The following KCTD2 variants were observed in gnomAD, a reference collection of about 807,000 sequenced individuals.
KCTD2 encodes potassium channel tetramerization domain containing 2.
Under a neutral mutation model 27.9 loss-of-function variants are expected in KCTD2, and 18 were observed. The observed-to-expected ratio is 0.64, with a 90% CI of 0.45 to 0.96. The LOEUF (loss-of-function observed/expected upper bound fraction) is 0.96. Among genes scored for constraint, KCTD2 ranks in the 40% least tolerant of loss-of-function variants. The pLI, the probability that KCTD2 is intolerant of heterozygous loss-of-function variation, is 0.00. For synonymous variants in KCTD2, 175 were observed against 148.4 expected (o/e 1.18, Z -1.30); for missense variants, 280 against 348.0 (o/e 0.80, Z 1.56).
In KCTD2 at chr17:75,047,238, G is replaced by T. The variant is rs1257134524; in HGVS notation, c.-13G>T. ...CTGCGCGCGGGCAGCAGCGGTGGCGGCGGCGGTCCAAGATGGCGGAACTGC... is the reference window on the plus strand; with the variant it reads ...CTGCGCGCGGGCAGCAGCGGTGGCGTCGGCGGTCCAAGATGGCGGAACTGC... On this transcript the variant is annotated 5_prime_UTR_variant, in exon 1 of 6. Transcript: ENST00000322444. 1 of 904,340 alleles carries T rather than the reference G, an allele frequency of 1.1e-6. No individual in the cohort carries two copies. The highest frequency in any genetic ancestry group is 1.5e-6 in the Non-Finnish European group (1 of 688,410). The allele number at this position is 904,340 out of a possible 1,614,324, so 56.0% of individuals were successfully genotyped here.
chr17:75,053,054 T>C lies in KCTD2; in HGVS notation c.489T>C (p.Leu163=). ...CGGAGTTTTACAACATCGCGTCCCT[T>C]GTGCGGCTGGTTAAGGAAAGGATAC... ...EEAEFYNIAS[L]VRLVKERIRD... is the part of the protein sequence containing the mutation. Residue 163 remains leucine, a synonymous_variant, in exon 3 of 6, where the codon CTT becomes CTC. Coordinates refer to ENST00000322444, the MANE Select transcript of KCTD2 (RefSeq NM_015353.3). The C allele has an allele frequency of 6.2e-7, 1 of 1,614,142 alleles. No individual in the cohort carries two copies. Among genetic ancestry groups the C allele is most frequent in the Non-Finnish European group, 8.5e-7 (1 of 1,180,026 alleles).
chr17:75,046,209 A>C (rs113797879), upstream of KCTD2, among the ~76,000 whole-genome samples: 1,675 of 152,178 alleles, frequency 0.011, 31 homozygotes, highest in African/African-American at 0.039. Flanking sequence ...CAGCCTCCCG[A>C]GCAGCTGGGA....
chr17:75,038,732 C>T (rs990852948), intron 3 of KCTD2: 3 of 573,408 alleles, frequency 5.2e-6, no homozygotes, highest in South Asian at 5.1e-5. Flanking sequence ...CTACACAGCC[C>T]GTCAGACAAC....
At chr17:75,047,206 G>C (rs537541327), upstream of KCTD2, 11 of 637,442 alleles carry the variant, frequency 1.7e-5, no homozygotes, top group African/African-American at 2.1e-4. Flanking sequence ...GAAATGGGCC[G>C]GCCCGGCTGC....
At chr17:75,034,963 G>A (rs2040099566) in intron 2 of KCTD2, among the ~76,000 whole-genome samples, 1 of 152,094 alleles carries the variant, frequency 6.6e-6, no homozygotes, top group African/African-American at 2.4e-5. Flanking sequence ...GTGCCGCTCC[G>A]CTCGGGGGTG....
chr17:75,042,221 T>C (rs143915019), intron 3 of KCTD2: 51 of 1,614,234 alleles, frequency 3.2e-5, no homozygotes, highest in Admixed American at 1.2e-4. Flanking sequence ...CTTGGCCACA[T>C]TGGCCTTGTA....
At chr17:75,059,759 G>T (rs1363448751) in intron 4 of KCTD2, among the ~76,000 whole-genome samples, 154 bp downstream of exon 4, 2 of 152,180 alleles carry the variant, frequency 1.3e-5, no homozygotes, top group African/African-American at 4.8e-5. Flanking sequence ...CCATTTGGTG[G>T]GCACTGCTGG....
chr17:75,033,918 T>C (rs2040088056), intron 1 of KCTD2: 1 of 152,314 alleles, frequency 6.6e-6, no homozygotes, highest in African/African-American at 2.4e-5. Flanking sequence ...CCCAGTGGCC[T>C]AATGGATAAG....
intron 3 of KCTD2, among the ~76,000 whole-genome samples, chr17:75,053,938 C>T (rs988906038): frequency 5.2e-5 from 7 of 135,296 alleles, no homozygotes; most frequent in African/African-American, 1.7e-4. Context: ...GCTAGGATTA[C>T]AGGAGTGAGC....
At chr17:75,060,944 G>C (rs1481600461) in intron 4 of KCTD2, among the ~76,000 whole-genome samples, 2 of 152,176 alleles carry the variant, frequency 1.3e-5, no homozygotes, top group African/African-American at 4.8e-5. Flanking sequence ...AATCCACTCT[G>C]CCTGTGTCTG....
chr17:75,034,415 G>A (rs761821991), intron 2 of KCTD2, among the ~76,000 whole-genome samples: 2 of 152,176 alleles, frequency 1.3e-5, no homozygotes, highest in African/African-American at 2.4e-5. Context: ...AACCTTGCGA[G>A]CACAGCCCCT....
chr17:75,033,898 T>G (rs979186817), intron 1 of KCTD2: 3 of 152,432 alleles, frequency 2.0e-5, no homozygotes, highest in South Asian at 2.1e-4. Context: ...CACGGCCACG[T>G]GCCCCAAGCC....
intron 1 of KCTD2, 95 bp from the exon 2 acceptor site, chr17:75,049,125 C>A: frequency 1.4e-6 from 1 of 713,192 alleles, no homozygotes; most frequent in Non-Finnish European, 2.3e-6. Context: ...GAATTGTTGT[C>A]TTGGGGCGCT....
chr17:75,039,190 G>T (rs533657377), intron 3 of KCTD2: 8 of 1,613,932 alleles, frequency 5.0e-6, no homozygotes, highest in Middle Eastern at 1.7e-4. Context: ...TATAGGCAAC[G>T]GCTACCCATC....
At chr17:75,059,421 A>C (rs2073381622) in intron 3 of KCTD2, 89 bp from the exon 4 acceptor site, 1 of 721,758 alleles carries the variant, frequency 1.4e-6, no homozygotes, top group African/African-American at 1.8e-5. Context: ...ACTCCTTTTC[A>C]GTGTTTATTC....
intron 1 of KCTD2, among the ~76,000 whole-genome samples, chr17:75,048,053 A>G (rs2144923992): frequency 6.6e-6 from 1 of 152,324 alleles, no homozygotes; most frequent in Admixed American, 6.5e-5. Flanking sequence ...TTGGGCTTCC[A>G]CAGCTGCAGG....
Position 75,047,459 on chromosome 17 carries a change from C to T in KCTD2, c.209C>T (p.Ala70Val), listed in dbSNP as rs1354771775. The T allele has an allele frequency of 5.8e-6, 9 of 1,549,452 alleles. No homozygotes were observed. The South Asian group carries it at 9.2e-5, about 16-fold the overall frequency. Residue 70 changes from alanine (A) to valine (V), a missense_variant, in exon 1 of 6, where the codon GCG (alanine) becomes GTG (valine). Ala to Val is a moderately conservative substitution (Grantham distance 64). Coordinates refer to ENST00000322444, the MANE Select transcript of KCTD2 (RefSeq NM_015353.3). ...GPPERAGGGG[A>V]ARWVRLNVGG... ...CCCGAGCGGGCAGGGGGCGGCGGCG[C>T]GGCCCGCTGGGTCAGGCTGAACGTG...
chr17:75,040,316 G>A (rs536818846), intron 3 of KCTD2: 64 of 811,294 alleles, frequency 7.9e-5, no homozygotes, highest in Non-Finnish European at 8.3e-5. Flanking sequence ...AAGCGGAAAC[G>A]AATACGCATC....
intron 4 of KCTD2, among the ~76,000 whole-genome samples, chr17:75,061,514 G>A (rs924641038): frequency 6.6e-6 from 1 of 152,112 alleles, no homozygotes; most frequent in South Asian, 2.1e-4. Context: ...CAGGCATGGT[G>A]GCTGTAGTCC....
Sources: gnomAD v4.1 joint callset for allele counts (sites outside exome capture counted in the v4.1 genomes callset) on GRCh38, gnomAD v4.1.1 for gene constraint, MANE v1.5 for transcripts, NCBI Gene and HGNC (gene_info 2026-07-23, HGNC 2026-07-21) for gene names.